The following TAB2 variants were observed in gnomAD, a reference collection of about 807,000 sequenced individuals.
TAB2 encodes the protein TGF-beta activated kinase 1 (MAP3K7) binding protein 2.
Under a neutral mutation model 65.0 loss-of-function variants are expected in TAB2, and 3 were observed. That is an observed-to-expected ratio of 0.05 (90% confidence interval 0.02 to 0.12). The LOEUF (loss-of-function observed/expected upper bound fraction) is 0.12. Among genes scored for constraint, TAB2 ranks in the 10% least tolerant of loss-of-function variants. TAB2 has a pLI of 1.00. For missense variants in TAB2, 623 were observed against 840.3 expected (o/e 0.74, Z 3.20); for synonymous variants, 298 against 285.1 (o/e 1.05, Z -0.46).
intron 1 of TAB2, among the ~76,000 whole-genome samples, chr6:149,232,921 T>C (rs147800714): frequency 1.3e-5 from 2 of 152,268 alleles, no homozygotes; most frequent in Non-Finnish European, 2.9e-5. Flanking sequence ...GATGCTGCTG[T>C]ACTTCCCTCA....
intron 1 of TAB2, among the ~76,000 whole-genome samples, chr6:149,299,439 G>A (rs1204325525): frequency 3.3e-5 from 5 of 152,144 alleles, no homozygotes; most frequent in Non-Finnish European, 7.4e-5. Flanking sequence ...AGGCGTGGTG[G>A]TGCAGGCCTG....
intron 1 of TAB2, among the ~76,000 whole-genome samples, chr6:149,339,890 C>G (rs1225187026): frequency 6.6e-6 from 1 of 151,984 alleles, no homozygotes; most frequent in Non-Finnish European, 1.5e-5. Context: ...TGCCCGGCCT[C>G]AATAATTACT....
chr6:149,301,163 C>T (rs9498306), intron 1 of TAB2, among the ~76,000 whole-genome samples: 6,767 of 152,268 alleles, frequency 0.044, 473 homozygotes, highest in African/African-American at 0.15. Flanking sequence ...TGGTCAGCAA[C>T]CACTGAACAT....
intron 2 of TAB2, among the ~76,000 whole-genome samples, chr6:149,376,985 G>A (rs1307060694): frequency 2.0e-5 from 3 of 151,404 alleles, no homozygotes; most frequent in Non-Finnish European, 4.4e-5. Flanking sequence ...AGAGAGAGAG[G>A]GATTACACAA....
intron 1 of TAB2, among the ~76,000 whole-genome samples, chr6:149,308,930 G>A (rs892293437): frequency 3.9e-5 from 6 of 151,988 alleles, no homozygotes; most frequent in East Asian, 1.9e-4. Context: ...AGTTTCTGTA[G>A]ACTATAAGTT....
intron 5 of TAB2, among the ~76,000 whole-genome samples, chr6:149,398,839 C>A (rs534787951): frequency 3.8e-4 from 58 of 152,240 alleles, no homozygotes; most frequent in African/African-American, 1.4e-3. Flanking sequence ...GGATCTACTT[C>A]TACTTCTATT....
At chr6:149,268,501 G>C (rs1464240214) in intron 1 of TAB2, among the ~76,000 whole-genome samples, 1 of 152,144 alleles carries the variant, frequency 6.6e-6, no homozygotes, top group Non-Finnish European at 1.5e-5. Context: ...GAGACTCAAA[G>C]AACAGCTGCA....
intron 1 of TAB2, among the ~76,000 whole-genome samples, chr6:149,294,310 A>C (rs1299560200): frequency 1.3e-5 from 2 of 152,182 alleles, no homozygotes; most frequent in Non-Finnish European, 2.9e-5. Flanking sequence ...TTCTCCCCGT[A>C]TCTTCACATG....
At chr6:149,389,110 C>G (rs944306480) in intron 3 of TAB2, among the ~76,000 whole-genome samples, 2 of 151,918 alleles carry the variant, frequency 1.3e-5, no homozygotes, top group African/African-American at 4.8e-5. Context: ...CATGCACCAC[C>G]ACGCCTGGCT....
chr6:149,400,684 GGA>G (rs1412419707), intron 6 of TAB2: 1 of 1,612,798 alleles, frequency 6.2e-7, no homozygotes, highest in African/African-American at 1.3e-5. Flanking sequence ...TACTGAAAAG[GGA>G]ACCTGCTTCT....
intron 1 of TAB2, among the ~76,000 whole-genome samples, chr6:149,367,575 C>T (rs749913937): frequency 1.3e-5 from 2 of 152,002 alleles, no homozygotes; most frequent in South Asian, 2.1e-4. Context: ...ACAAAGATCA[C>T]GCCGCTCAGT....
chr6:149,285,008 G>A (rs1291113620), intron 1 of TAB2, among the ~76,000 whole-genome samples: 5 of 152,062 alleles, frequency 3.3e-5, no homozygotes, highest in Non-Finnish European at 7.4e-5. Context: ...TGGAATCTGG[G>A]GCACTGTCAC....
At position 149,379,651 on chromosome 6, in the gene TAB2, C is replaced by T. The variant is rs575789800; in HGVS notation, c.1603+133C>T. ...ATTGCCCCAAATGATGTTATTGTAACATTTGAGAGTATTATATGTATATAC... is the reference window on the plus strand; with the variant it reads ...ATTGCCCCAAATGATGTTATTGTAATATTTGAGAGTATTATATGTATATAC... On this transcript the variant is annotated intron_variant, in intron 3 of 6. Coordinates refer to ENST00000637181, the MANE Select transcript of TAB2 (RefSeq NM_001292034.3). 95 of 804,166 alleles carry T rather than the reference C, an allele frequency of 1.2e-4. No individual in the cohort carries two copies. The African/African-American group carries it at 1.5e-3, about 13-fold the overall frequency. The allele number at this position is 804,166 out of a possible 1,614,324, so 49.8% of individuals were successfully genotyped here. A position where few individuals can be genotyped will look rare whatever the true frequency, so the allele number is the denominator to read the frequency against.
At chr6:149,253,960 A>G (rs9390665) in intron 1 of TAB2, among the ~76,000 whole-genome samples, 7,895 of 43,596 alleles carry the variant, frequency 0.18, 270 homozygotes, top group East Asian at 0.26. Flanking sequence ...AAGAAAGAAA[A>G]AGAAAGAAAG....
At chr6:149,312,819 G>A (rs377047403), upstream of TAB2, among the ~76,000 whole-genome samples, 1 of 152,202 alleles carries the variant, frequency 6.6e-6, no homozygotes, top group Non-Finnish European at 1.5e-5. Context: ...TGGCTGAATT[G>A]TGATAATTAA....
chr6:149,357,928 T>G (rs1467756985), intron 1 of TAB2, among the ~76,000 whole-genome samples: 1 of 152,180 alleles, frequency 6.6e-6, no homozygotes, highest in Admixed American at 6.5e-5. Context: ...TTCGAACTCC[T>G]GACCTCAAGT....
At chr6:149,368,241 G>A (rs1226859786) in intron 1 of TAB2, among the ~76,000 whole-genome samples, 3 of 152,146 alleles carry the variant, frequency 2.0e-5, no homozygotes, top group Admixed American at 1.3e-4. Context: ...GAATGAGGGA[G>A]TAGTGGTTGA....
chr6:149,386,373 C>T (rs1047897391), intron 3 of TAB2, among the ~76,000 whole-genome samples: 1 of 152,068 alleles, frequency 6.6e-6, no homozygotes, highest in Non-Finnish European at 1.5e-5. Context: ...TATGTGCAGC[C>T]ATCACCCAGC....
intron 1 of TAB2, among the ~76,000 whole-genome samples, chr6:149,329,432 G>T (rs1487851145): frequency 1.3e-5 from 2 of 152,192 alleles, no homozygotes; most frequent in East Asian, 3.8e-4. Context: ...GAACAGACCA[G>T]GGTTGCAACA....
Sources: allele counts gnomAD v4.1 joint callset (sites outside exome capture counted in the v4.1 genomes callset), GRCh38; gene constraint gnomAD v4.1.1; transcripts MANE v1.5; gene names NCBI Gene and HGNC (gene_info 2026-07-23, HGNC 2026-07-21).